NUDT19: variants seen among roughly 807,000 people sequenced by gnomAD.
NUDT19 encodes the protein nudix hydrolase 19.
Under a neutral mutation model 22.2 loss-of-function variants are expected in NUDT19, and 31 were observed. The ratio of observed to expected loss-of-function variants is 1.40; its 90% CI spans 1.05 to 1.89. NUDT19 has a LOEUF of 1.89. NUDT19 is among the 40% of genes most tolerant of loss of function. The probability of loss-of-function intolerance (pLI) is 0.00; values close to 1 mark genes in which losing one functional copy is unlikely to be tolerated. For synonymous variants in NUDT19, 325 were observed against 230.8 expected, an observed-to-expected ratio of 1.41 and a Z score of -3.70; for missense variants, 752 against 514.2, an observed-to-expected ratio of 1.46 and a Z score of -4.47.
chr19:32,693,539 G>C (rs905258682), intron 1 of NUDT19, among the ~76,000 whole-genome samples: 1 of 152,200 alleles, frequency 6.6e-6, no homozygotes, highest in Admixed American at 6.5e-5. Flanking sequence ...GGTGCTGGTG[G>C]CTGGGTGGCC....
rs761530179 is a variant in NUDT19 at position 32,709,261 on chromosome 19, T to G, written c.791T>G (p.Val264Gly). 1 of 1,614,194 alleles carries G rather than the reference T, an allele frequency of 6.2e-7. No homozygotes were observed. Among genetic ancestry groups the G allele is most frequent in the South Asian group, 1.1e-5 (1 of 91,088 alleles). The change falls in exon 2 of 3, where the codon GTG becomes GGG. Residue 264 changes from valine to glycine, a missense_variant. Val to Gly is a moderately radical substitution (Grantham distance 109). Coordinates refer to ENST00000397061, the MANE Select transcript of NUDT19 (RefSeq NM_001105570.2). Reference sequence around the variant, plus strand: ...TTGCCACCCCCACAGTTCTACGAAGTGAGAAGACTTGCAAACTTTGCCTCT... The same window carrying G: ...TTGCCACCCCCACAGTTCTACGAAGGGAGAAGACTTGCAAACTTTGCCTCT... ...IWLPPPQFYE[V>G]RRLANFASLS...
intron 1 of NUDT19, among the ~76,000 whole-genome samples, chr19:32,699,889 G>T (rs1968314008): frequency 6.6e-6 from 1 of 152,118 alleles, no homozygotes; most frequent in Admixed American, 6.6e-5. Flanking sequence ...TGGGTTCGTG[G>T]TCTCACTGAC....
chr19:32,692,713 C>T (rs774544845), intron 1 of NUDT19, 39 bp downstream of exon 1: 5 of 1,399,324 alleles, frequency 3.6e-6, no homozygotes, highest in Admixed American at 2.9e-5. Flanking sequence ...ACCGCCAGGA[C>T]GTGAGAGGGA....
chr19:32,698,816 C>T lies in NUDT19; in HGVS notation c.714+6142C>T, dbSNP rs1968297501. ...ACTGAGAAAAATCAGATTTAGTGGC[C>T]CTTACTGATGCATTCTTGGAAAACT... On this transcript the variant is annotated intron_variant, in intron 1 of 2. Coordinates refer to ENST00000397061, the MANE Select transcript of NUDT19 (RefSeq NM_001105570.2). Among the ~76,000 whole-genome samples the T allele has an allele frequency of 1.3e-5, 2 of 152,144 alleles. 1 individual carries two copies. The highest frequency in any genetic ancestry group is 4.1e-4 in the South Asian group (2 of 4,824).
Position 32,692,134 on chromosome 19 carries a change from C to G in NUDT19, c.174C>G (p.Gly58=), listed in dbSNP as rs894523940. The change falls in exon 1 of 3, where the codon GGC becomes GGG. Residue 58 remains glycine (G), a synonymous_variant. Transcript: ENST00000397061. The stretch of plus-strand genomic sequence containing the variant: ...CCCCGCACCAAGGCTTCATGCCGGG[C>G]GCGCACGTCTTCTCCGGCGGAGTGC... ...QRSPHQGFMP[G]AHVFSGGVLD... The G allele has an allele frequency of 2.6e-5, 39 of 1,479,270 alleles. No homozygotes were observed. Among genetic ancestry groups the G allele is most frequent in the Non-Finnish European group, 3.4e-5 (38 of 1,124,230 alleles). The allele number at this position is 1,479,270 out of a possible 1,614,324, so 91.6% of individuals were successfully genotyped here. A position where few individuals can be genotyped will look rare whatever the true frequency, so the allele number is the denominator to read the frequency against.
rs1240508545 is a variant in NUDT19, at chr19:32,692,100, T to G, written c.140T>G (p.Leu47Arg). The G allele has an allele frequency of 2.1e-6, 3 of 1,397,188 alleles. No individual in the cohort carries two copies. Among genetic ancestry groups the G allele is most frequent in the Non-Finnish European group, 2.8e-6 (3 of 1,081,528 alleles). The allele number at this position is 1,397,188 out of a possible 1,614,324, so 86.5% of individuals were successfully genotyped here. The part of the protein sequence containing the change: ...PPAEGFRLLL[L>R]QRSPHQGFMP... ...GCCGAGGGCTTCCGGCTGCTGCTGC[T>G]GCAGCGCTCCCCGCACCAAGGCTTC... is the stretch of plus-strand genomic sequence containing the variant. Residue 47 changes from leucine (L) to arginine (R), a missense_variant, in exon 1 of 3, where the codon CTG becomes CGG. Transcript: ENST00000397061.
chr19:32,707,087 T>G (rs968973446), intron 1 of NUDT19, among the ~76,000 whole-genome samples: 2 of 152,236 alleles, frequency 1.3e-5, no homozygotes, highest in Admixed American at 6.5e-5. Flanking sequence ...AGGAAAGCAT[T>G]GCATTTTGTA....
At position 32,692,368 on chromosome 19, in the gene NUDT19, G is replaced by A. The variant is rs370576952; in HGVS notation, c.408G>A (p.Ala136=). ...ICAVREAFEE[A]GVLLLRPRTS... ...CCGTGCGGGAGGCCTTTGAGGAGGC[G>A]GGCGTGCTGCTGCTGCGGCCCAGGA... The change falls in exon 1 of 3, where the codon GCG becomes GCA. Residue 136 remains alanine (A), a synonymous_variant. Coordinates refer to ENST00000397061, the MANE Select transcript of NUDT19 (RefSeq NM_001105570.2). 6.9e-6 allele frequency: 11 copies of A among 1,589,318 alleles called. No individual in the cohort carries two copies. The highest frequency in any genetic ancestry group is 9.4e-6 in the Non-Finnish European group (11 of 1,175,576).
intron 1 of NUDT19, among the ~76,000 whole-genome samples, chr19:32,699,012 T>A (rs1752635552): frequency 1.3e-5 from 2 of 152,182 alleles, no homozygotes; most frequent in African/African-American, 4.8e-5. Flanking sequence ...AAGGATACAA[T>A]TTCTGAGGCT....
chr19:32,711,285 G>A (rs1488297850), intron 2 of NUDT19, among the ~76,000 whole-genome samples: 4 of 152,044 alleles, frequency 2.6e-5, no homozygotes, highest in African/African-American at 7.2e-5. Context: ...TAAACATGGC[G>A]AAACCTGTCT....
chr19:32,695,593 T>TTC (rs1968253799), intron 1 of NUDT19, among the ~76,000 whole-genome samples: 1 of 152,214 alleles, frequency 6.6e-6, no homozygotes, highest in Non-Finnish European at 1.5e-5. Flanking sequence ...CTTTGCCTCT[T>TTC]TCTCTCTGCT....
In NUDT19 at chr19:32,692,037, G is replaced by T. The variant is rs1689155858; in HGVS notation, c.77G>T (p.Arg26Leu). The change falls in exon 1 of 3, where the codon CGC becomes CTC. Residue 26 changes from arginine to leucine, a missense_variant. Transcript: ENST00000397061. ...ASIVLAAGWS[R>L]PETATPPSRP... Reference sequence around the variant, plus strand: ...ATCGTCCTGGCGGCTGGCTGGTCGCGCCCGGAGACCGCCACCCCGCCGTCG... The same window carrying T: ...ATCGTCCTGGCGGCTGGCTGGTCGCTCCCGGAGACCGCCACCCCGCCGTCG... The T allele has an allele frequency of 5.5e-6, 7 of 1,272,168 alleles. No individual in the cohort carries two copies. In the South Asian group the frequency reaches 1.7e-4, roughly 31 times the overall value. The allele number at this position is 1,272,168 out of a possible 1,614,324, so 78.8% of individuals were successfully genotyped here.
chr19:32,693,685 C>T (rs1225224529), intron 1 of NUDT19, among the ~76,000 whole-genome samples: 3 of 152,050 alleles, frequency 2.0e-5, no homozygotes, highest in African/African-American at 4.8e-5. Context: ...CTGATTGGTG[C>T]GTTTTTACAT....
chr19:32,704,464 G>A (rs1023704855), intron 1 of NUDT19, among the ~76,000 whole-genome samples: 11 of 152,092 alleles, frequency 7.2e-5, no homozygotes, highest in Non-Finnish European at 1.5e-5. Context: ...GTTTCGCCAT[G>A]TTGGTCAGGC....
chr19:32,700,804 G>A (rs1283241739), intron 1 of NUDT19, among the ~76,000 whole-genome samples: 2 of 152,104 alleles, frequency 1.3e-5, no homozygotes, highest in Non-Finnish European at 1.5e-5. Flanking sequence ...GGGAGAAGAA[G>A]GCCAGAGGAT....
chr19:32,708,106 G>C (rs936021702), intron 1 of NUDT19, among the ~76,000 whole-genome samples: 1 of 149,786 alleles, frequency 6.7e-6, no homozygotes, highest in Non-Finnish European at 1.5e-5. Context: ...CCAAGATTGC[G>C]CTACTGCACT....
Position 32,692,166 on chromosome 19 carries a change from C to A in NUDT19, c.206C>A (p.Ala69Glu). 1.3e-6 allele frequency: 2 copies of A among 1,528,484 alleles called. No individual in the cohort carries two copies. Among genetic ancestry groups the A allele is most frequent in the South Asian group, 1.2e-5 (1 of 83,316 alleles). The allele number at this position is 1,528,484 out of a possible 1,614,324, so 94.7% of individuals were successfully genotyped here. A position where few individuals can be genotyped will look rare whatever the true frequency, so the allele number is the denominator to read the frequency against. ...AHVFSGGVLD[A>E]ADRSADWLGL... ...GTCTTCTCCGGCGGAGTGCTGGATG[C>A]GGCCGACCGCTCGGCGGACTGGCTG... The change falls in exon 1 of 3, where the codon GCG becomes GAG. Residue 69 changes from alanine (A) to glutamate (E), a missense_variant. Ala to Glu is a moderately radical substitution (Grantham distance 107, BLOSUM62 -1). Transcript: ENST00000397061.
chr19:32,699,948 A>G lies in NUDT19; in HGVS notation c.714+7274A>G, dbSNP rs557025304. 1.4e-4 allele frequency among the ~76,000 whole-genome samples: 22 copies of G among 152,218 alleles called. 1 individual carries two copies. The highest frequency in any genetic ancestry group is 4.8e-4 in the African/African-American group (20 of 41,536). ...TTGCAGTGAGTGTTACAGCTCTTAAAGGTGGCATGTCTGGAGTTGTTTGTT... is the reference window on the plus strand; with the variant it reads ...TTGCAGTGAGTGTTACAGCTCTTAAGGGTGGCATGTCTGGAGTTGTTTGTT... On this transcript the variant is annotated intron_variant, in intron 1 of 2. Transcript: ENST00000397061.
At chr19:32,706,597 C>G (rs1388804918) in intron 1 of NUDT19, among the ~76,000 whole-genome samples, 1 of 152,132 alleles carries the variant, frequency 6.6e-6, no homozygotes, top group African/African-American at 2.4e-5. Flanking sequence ...ACAGGAAAAT[C>G]GCTTGAACCC....
Sources: allele counts gnomAD v4.1 joint callset (sites outside exome capture counted in the v4.1 genomes callset), GRCh38; gene constraint gnomAD v4.1.1; transcripts MANE v1.5; gene names NCBI Gene and HGNC (gene_info 2026-07-23, HGNC 2026-07-21).